PLCB4: variants seen among roughly 807,000 people sequenced by gnomAD.
The protein encoded by PLCB4 is phospholipase C beta 4, also known as 1-phosphatidylinositol 4,5-bisphosphate phosphodiesterase beta-4.
A neutral mutation model predicts 178.8 loss-of-function variants in PLCB4; 77 were observed. The ratio of observed to expected loss-of-function variants is 0.43; its 90% CI spans 0.36 to 0.52. The LOEUF is 0.52. PLCB4 is among the 20% of genes least tolerant of loss of function. The pLI, the probability that PLCB4 is intolerant of heterozygous loss-of-function variation, is 0.00. For synonymous variants in PLCB4, 496 were observed against 490.8 expected, an observed-to-expected ratio of 1.01 and a Z score of -0.14; for missense variants, 1,024 against 1,453.4, an observed-to-expected ratio of 0.70 and a Z score of 4.80.
chr20:9,477,634 T>C (rs1474910416), intron 39 of PLCB4, among the ~76,000 whole-genome samples: 2 of 152,206 alleles, frequency 1.3e-5, no homozygotes, highest in Non-Finnish European at 2.9e-5. Flanking sequence ...TTCATTTCTC[T>C]ATTAGAGTAT....
intron 2 of PLCB4, among the ~76,000 whole-genome samples, chr20:9,203,785 T>G (rs996300801): frequency 1.5e-5 from 2 of 134,418 alleles, no homozygotes; most frequent in Non-Finnish European, 3.0e-5. Context: ...GTGTTTTTTT[T>G]TTTTTTTTTT....
intron 2 of PLCB4, among the ~76,000 whole-genome samples, chr20:9,110,834 C>A (rs1422717682): frequency 6.6e-6 from 1 of 151,936 alleles, no homozygotes; most frequent in African/African-American, 2.4e-5. Context: ...TTTTCATAAT[C>A]ATGAAGGTAA....
chr20:9,209,821 G>A (rs957261898), intron 2 of PLCB4, among the ~76,000 whole-genome samples: 1 of 151,808 alleles, frequency 6.6e-6, no homozygotes, highest in Non-Finnish European at 1.5e-5. Flanking sequence ...AAAATTAGCC[G>A]GGCGTGGTGG....
chr20:9,194,252 T>G (rs964233162), intron 2 of PLCB4, among the ~76,000 whole-genome samples: 1 of 152,216 alleles, frequency 6.6e-6, no homozygotes, highest in Non-Finnish European at 1.5e-5. Context: ...TCACTTTGTC[T>G]AATTAATAGA....
chr20:9,361,552 A>T (rs972835028), intron 7 of PLCB4, among the ~76,000 whole-genome samples: 1 of 152,150 alleles, frequency 6.6e-6, no homozygotes, highest in African/African-American at 2.4e-5. Context: ...AGTTCTGGAG[A>T]TGGCTGGTTA....
chr20:9,465,765 C>T (rs1196148207), intron 35 of PLCB4, among the ~76,000 whole-genome samples: 1 of 152,164 alleles, frequency 6.6e-6, no homozygotes, highest in Non-Finnish European at 1.5e-5. Flanking sequence ...CTACAAACCA[C>T]TGCTCAATGA....
chr20:9,424,788 G>A (rs545076294), intron 28 of PLCB4, among the ~76,000 whole-genome samples: 2 of 152,256 alleles, frequency 1.3e-5, no homozygotes, highest in South Asian at 2.1e-4. Context: ...ATGTATGAGC[G>A]CATGGGGGTG....
chr20:9,436,895 A>G, intron 29 of PLCB4, 107 bp from the exon 30 acceptor site: 1 of 1,031,480 alleles, frequency 9.7e-7, no homozygotes, highest in Non-Finnish European at 1.4e-6. Context: ...GTAGAAGTCT[A>G]GGAAGAGTAT....
intron 30 of PLCB4, among the ~76,000 whole-genome samples, chr20:9,440,037 G>C (rs565467364): frequency 6.6e-6 from 1 of 152,302 alleles, no homozygotes; most frequent in South Asian, 2.1e-4. Context: ...TCATTGGCTG[G>C]GACAAGTGGG....
chr20:9,459,666 A>G lies in PLCB4; in HGVS notation c.3104A>G (p.Glu1035Gly). The change falls in exon 35 of 40, where the codon GAA (glutamate) becomes GGA (glycine). Residue 1035 changes from glutamate to glycine, a missense_variant. Around this residue, in one of 7 missense-constraint regions of PLCB4, gnomAD observed 264 missense variants for 283.2 expected, o/e 0.93. Coordinates refer to ENST00000378473, the MANE Select transcript of PLCB4 (RefSeq NM_001377142.1). ...VKEIVAQHTK[E>G]WSEMINTHSA... is the part of the protein sequence containing the mutation. Reference sequence around the variant, plus strand: ...GAGATTGTAGCACAGCACACAAAGGAATGGTCAGAAATGATCAATACCCAC... The same window carrying G: ...GAGATTGTAGCACAGCACACAAAGGGATGGTCAGAAATGATCAATACCCAC... 6.2e-7 allele frequency: 1 copy of G among 1,610,480 alleles called. No homozygotes were observed. Among genetic ancestry groups the G allele is most frequent in the Non-Finnish European group, 8.5e-7 (1 of 1,177,068 alleles).
intron 3 of PLCB4, among the ~76,000 whole-genome samples, chr20:9,268,732 C>A (rs2094373706): frequency 6.6e-6 from 1 of 152,220 alleles, no homozygotes; most frequent in Non-Finnish European, 1.5e-5. Flanking sequence ...TCAGCATCCA[C>A]AACCATGAGC....
intron 3 of PLCB4, among the ~76,000 whole-genome samples, chr20:9,227,501 G>T (rs529068840): frequency 9.3e-4 from 141 of 152,182 alleles, no homozygotes; most frequent in Non-Finnish European, 1.7e-3. Context: ...TCCTGAATAT[G>T]ATGTGAGGTA....
rs751160885 is a variant in PLCB4 at position 9,401,582 on chromosome 20, G to A, written c.1603G>A (p.Val535Ile). The change falls in exon 20 of 40, where the codon GTC (valine) becomes ATC (isoleucine). Residue 535 changes from valine (V) to isoleucine (I), a missense_variant. This residue lies in a region of PLCB4 where 263 missense variants were observed against 417.4 expected (regional missense o/e 0.63). Coordinates refer to ENST00000378473, the MANE Select transcript of PLCB4 (RefSeq NM_001377142.1). Reference protein sequence around the residue: ...LGHKEAVANSVKKASDDLEHE... With the variant: ...LGHKEAVANSIKKASDDLEHE... The stretch of plus-strand genomic sequence containing the variant: ...TCACAAGGAAGCTGTTGCAAATAGC[G>A]TCAAGAAGGTCAGAGTCCCCTTTCT... 4.1e-5 allele frequency: 66 copies of A among 1,605,804 alleles called. No homozygotes were observed. The highest frequency in any genetic ancestry group is 4.9e-5 in the Non-Finnish European group (58 of 1,172,882).
intron 1 of PLCB4, among the ~76,000 whole-genome samples, chr20:9,077,909 T>C (rs141851169): frequency 6.6e-6 from 1 of 152,242 alleles, no homozygotes; most frequent in Non-Finnish European, 1.5e-5. Context: ...ATGAGAAGAT[T>C]AGGAGATAAT....
At chr20:9,450,661 T>C (rs889126966) in intron 32 of PLCB4, among the ~76,000 whole-genome samples, 3 of 140,304 alleles carry the variant, frequency 2.1e-5, no homozygotes, top group Non-Finnish European at 4.6e-5. Flanking sequence ...TTCTTTTCTT[T>C]TTTTTTTTTT....
intron 2 of PLCB4, among the ~76,000 whole-genome samples, chr20:9,151,000 G>C (rs1220299675): frequency 1.3e-5 from 2 of 152,064 alleles, no homozygotes; most frequent in Admixed American, 1.3e-4. Context: ...TTGGCAAAGT[G>C]ATTTAATTTC....
intron 2 of PLCB4, among the ~76,000 whole-genome samples, chr20:9,108,276 G>A (rs1340885843): frequency 6.6e-6 from 1 of 152,154 alleles, no homozygotes; most frequent in East Asian, 1.9e-4. Context: ...AAAAGTGAAT[G>A]TGGACAAGAA....
At chr20:9,197,996 TAA>T (rs1273143950) in intron 2 of PLCB4, among the ~76,000 whole-genome samples, 1 of 143,896 alleles carries the variant, frequency 6.9e-6, no homozygotes, top group Admixed American at 7.0e-5. Context: ...AAATAAAAAA[TAA>T]AAAAAAAAAC....
intron 3 of PLCB4, among the ~76,000 whole-genome samples, chr20:9,223,836 A>G (rs559746091): frequency 6.6e-6 from 1 of 152,314 alleles, no homozygotes; most frequent in East Asian, 1.9e-4. Context: ...AATTTTATAT[A>G]TGTTACATTT....
Sources: allele counts gnomAD v4.1 joint callset (sites outside exome capture counted in the v4.1 genomes callset), GRCh38; gene constraint gnomAD v4.1.1; regional missense constraint gnomAD v4.1.1; transcripts MANE v1.5; gene names NCBI Gene and HGNC (gene_info 2026-07-23, HGNC 2026-07-21).